HBS1L: variants seen among roughly 807,000 people sequenced by gnomAD.
HBS1L encodes the protein HBS1-like protein.
A neutral mutation model predicts 88.9 loss-of-function variants in HBS1L; 55 were observed. That is an observed-to-expected ratio of 0.62 (90% CI 0.50 to 0.77). The LOEUF is 0.77. HBS1L is among the 30% of genes least tolerant of loss of function. The probability of loss-of-function intolerance (pLI) is 0.00; values close to 1 mark genes in which losing one functional copy is unlikely to be tolerated. For missense variants in HBS1L, 741 were observed against 829.3 expected (o/e 0.89, Z 1.31); for synonymous variants, 267 against 288.5 (o/e 0.93, Z 0.76).
At chr6:134,992,563 T>C (rs1775172211) in intron 8 of HBS1L, among the ~76,000 whole-genome samples, 1 of 152,176 alleles carries the variant, frequency 6.6e-6, no homozygotes. Flanking sequence ...AGGCCTAGGC[T>C]AATGTGCGTA....
At chr6:134,984,347 C>T (rs779899201) in intron 12 of HBS1L, among the ~76,000 whole-genome samples, 16 of 151,942 alleles carry the variant, frequency 1.1e-4, no homozygotes, top group African/African-American at 3.6e-4. Context: ...GGGCTAGGGC[C>T]GCAGATATAG....
chr6:135,030,871 C>T (rs1341676432), intron 4 of HBS1L, among the ~76,000 whole-genome samples: 2 of 151,184 alleles, frequency 1.3e-5, no homozygotes, highest in East Asian at 3.9e-4. Flanking sequence ...AATCACTACT[C>T]ACTTTTGCAA....
At chr6:135,044,867 G>A (rs1185794205) in intron 2 of HBS1L, among the ~76,000 whole-genome samples, 4 of 152,172 alleles carry the variant, frequency 2.6e-5, no homozygotes, top group African/African-American at 9.7e-5. Context: ...ACAAGTTTCA[G>A]TCAGGAAATA....
At position 134,985,429 on chromosome 6, in the gene HBS1L, A is replaced by G; in HGVS notation, c.1424-20T>C. 2.0e-6 allele frequency: 3 copies of G among 1,522,032 alleles called. No individual in the cohort carries two copies. The highest frequency in any genetic ancestry group is 2.3e-5 in the South Asian group (2 of 85,112). The allele number at this position is 1,522,032 out of a possible 1,614,324, so 94.3% of individuals were successfully genotyped here. On this transcript the variant is annotated intron_variant, in intron 11 of 17. Coordinates refer to ENST00000367837, the MANE Select transcript of HBS1L (RefSeq NM_006620.4). ...AGGAATCTGGAAAAAAGAAATTGCA[A>G]AAGGCAAGGTTTAATTTAAAATTAA...
At chr6:134,996,741 G>C in intron 7 of HBS1L, 36 bp downstream of exon 7, 1 of 1,493,256 alleles carries the variant, frequency 6.7e-7, no homozygotes. Context: ...AAGACTGTAT[G>C]ATTTCAAACT....
At chr6:135,012,062 C>A (rs191941821) in intron 4 of HBS1L, among the ~76,000 whole-genome samples, 4 of 152,156 alleles carry the variant, frequency 2.6e-5, no homozygotes, top group Admixed American at 6.5e-5. Context: ...GTACACCATA[C>A]TTCTGAGAAT....
chr6:135,020,342 C>T (rs936749661), intron 4 of HBS1L, among the ~76,000 whole-genome samples: 3 of 151,840 alleles, frequency 2.0e-5, no homozygotes, highest in African/African-American at 4.8e-5. Context: ...ATGACAACTG[C>T]ATCATATGGG....
At chr6:135,040,798 T>A (rs982200055) in intron 3 of HBS1L, among the ~76,000 whole-genome samples, 7 of 152,196 alleles carry the variant, frequency 4.6e-5, no homozygotes, top group African/African-American at 1.4e-4. Flanking sequence ...AGGCTTTGTA[T>A]CCCTAGAACC....
chr6:135,012,725 A>G (rs1775810417), intron 4 of HBS1L, among the ~76,000 whole-genome samples: 1 of 152,178 alleles, frequency 6.6e-6, no homozygotes, highest in Non-Finnish European at 1.5e-5. Context: ...TCTCACATGC[A>G]TGGCCATGGC....
At chr6:134,998,491 A>G (rs1340811516) in intron 5 of HBS1L, among the ~76,000 whole-genome samples, 1 of 152,222 alleles carries the variant, frequency 6.6e-6, no homozygotes, top group Non-Finnish European at 1.5e-5. Flanking sequence ...TTTAACAACT[A>G]TGGATAAACA....
chr6:135,037,338 A>C lies in HBS1L; in HGVS notation c.430+2235T>G, dbSNP rs780406423. ...CCTGAAACAGTTCAGTTAGGGATGG[A>C]CTTTCACACTGAGAAAACTGCAAAT... On this transcript the variant is annotated intron_variant, in intron 4 of 17. Transcript: ENST00000367837. 1.9e-6 allele frequency: 3 copies of C among 1,551,880 alleles called. No homozygotes were observed. The South Asian group carries it at 3.6e-5, about 18-fold the overall frequency.
Position 134,997,474 on chromosome 6 carries a change from A to T in HBS1L, c.722T>A (p.Leu241Gln). The change falls in exon 6 of 18, where the codon CTG becomes CAG. Residue 241 changes from leucine (L) to glutamine (Q), a missense_variant. Physicochemically the swap from Leu to Gln is moderately radical, Grantham distance 113. Around this residue, in one of 3 missense-constraint regions of HBS1L, gnomAD observed 556 missense variants for 598.4 expected, o/e 0.93. Transcript: ENST00000367837. ...TPAPVKKSGK[L>Q]RQQIDVKAEL... ...CGCCTTCACATCTATTTGCTGCCTC[A>T]GCTTGCCAGACTTTTTCACCGGTGC... is the stretch of plus-strand genomic sequence containing the variant. The T allele has an allele frequency of 6.2e-7, 1 of 1,614,012 alleles. No homozygotes were observed. The highest frequency in any genetic ancestry group is 1.3e-5 in the African/African-American group (1 of 75,002).
chr6:135,042,669 C>T (rs1287813535), intron 2 of HBS1L, among the ~76,000 whole-genome samples: 4 of 151,732 alleles, frequency 2.6e-5, no homozygotes, highest in Admixed American at 6.6e-5. Context: ...ATTAGCTGGG[C>T]GTGGCAGTGG....
At chr6:134,989,015 TCA>T (rs1297764612) in intron 8 of HBS1L, among the ~76,000 whole-genome samples, 1 of 152,194 alleles carries the variant, frequency 6.6e-6, no homozygotes, top group African/African-American at 2.4e-5. Flanking sequence ...GACATTCCTT[TCA>T]GACTCAAATT....
chr6:135,037,097 G>C (rs1562311454), intron 4 of HBS1L: 2 of 1,551,548 alleles, frequency 1.3e-6, no homozygotes, highest in Non-Finnish European at 1.7e-6. Context: ...AATTCAGAAA[G>C]TGACAAATTC....
intron 4 of HBS1L, among the ~76,000 whole-genome samples, chr6:135,006,776 T>G (rs1158349938): frequency 2.0e-5 from 3 of 151,962 alleles, no homozygotes; most frequent in Non-Finnish European, 4.4e-5. Context: ...GGAGGATACT[T>G]AAGAGCATGA....
chr6:134,996,971 C>G (rs1225655962), intron 6 of HBS1L, 29 bp from the exon 7 acceptor site: 2 of 1,509,442 alleles, frequency 1.3e-6, no homozygotes, highest in East Asian at 4.6e-5. Flanking sequence ...GGATTAATAC[C>G]AGGTACATTT....
intron 8 of HBS1L, among the ~76,000 whole-genome samples, chr6:134,990,410 GC>G (rs1242792868): frequency 6.6e-6 from 1 of 152,152 alleles, no homozygotes; most frequent in Non-Finnish European, 1.5e-5. Flanking sequence ...GAGGCAGCAT[GC>G]CTTGTATGCT....
rs372728807 is a variant in HBS1L at position 135,037,680 on chromosome 6, A to G, written c.430+1893T>C. 3.9e-6 allele frequency: 6 copies of G among 1,550,688 alleles called. No individual in the cohort carries two copies. In the African/African-American group the frequency reaches 8.2e-5, roughly 21 times the overall value. On this transcript the variant is annotated intron_variant, in intron 4 of 17. Coordinates refer to ENST00000367837, the MANE Select transcript of HBS1L (RefSeq NM_006620.4). The stretch of plus-strand genomic sequence containing the variant: ...ATGCATGAGGTCTCAACAAATCGGC[A>G]TCTAGGTTCTTTGAAAGCAGACTTT...
Sources: gnomAD v4.1 joint callset for allele counts (sites outside exome capture counted in the v4.1 genomes callset) on GRCh38, gnomAD v4.1.1 for gene constraint, gnomAD v4.1.1 regional missense constraint, MANE v1.5 for transcripts, NCBI Gene and HGNC (gene_info 2026-07-23, HGNC 2026-07-21) for gene names.